Variants in C11orf58 observed in about 807,000 individuals in gnomAD.
C11orf58 encodes chromosome 11 open reading frame 58.
C11orf58 carries 5 observed loss-of-function variants against 22.7 expected under a neutral mutation model. The observed-to-expected ratio is 0.22, with a 90% confidence interval of 0.12 to 0.46. The LOEUF is 0.46. Ranked by LOEUF, C11orf58 falls within the 20% of genes least tolerant of loss-of-function variation. The pLI, the probability that C11orf58 is intolerant of heterozygous loss-of-function variation, is 0.99. For missense variants in C11orf58, 151 were observed against 223.3 expected (o/e 0.68, Z 2.06); for synonymous variants, 71 against 70.7 (o/e 1.00, Z -0.02).
chr11:16,756,605 C>A lies in C11orf58; in HGVS notation c.*1501C>A, dbSNP rs756333875. Among the ~76,000 whole-genome samples the A allele has an allele frequency of 9.3e-5, 14 of 150,554 alleles. No individual in the cohort carries two copies. The highest frequency in any genetic ancestry group is 1.6e-4 in the Non-Finnish European group (11 of 67,612). On this transcript the variant is annotated 3_prime_UTR_variant, in exon 5 of 5. Transcript: ENST00000228136. ...GAATTTTTAAAAATTATTCTTATGT[C>A]ACTTTGAAATGTAGAACGTGTTGCC...
chr11:16,751,144 A>T lies in C11orf58; in HGVS notation c.209-1641A>T, dbSNP rs570520341. The T allele has an allele frequency of 3.3e-5, 5 of 152,274 alleles. No homozygotes were observed. The South Asian group carries it at 1.0e-3, about 32-fold the overall frequency. The allele number at this position is 152,274 out of a possible 1,614,324, so 9.4% of individuals were successfully genotyped here. A position where few individuals can be genotyped will look rare whatever the true frequency, so the allele number is the denominator to read the frequency against. On this transcript the variant is annotated intron_variant, in intron 3 of 4. Coordinates refer to ENST00000228136, the MANE Select transcript of C11orf58 (RefSeq NM_014267.6). ...TTCAGTTACAATAGCTGCTCCAGAG[A>T]TTTCATTTTAGAAAAAGTCACCACT...
intron 4 of C11orf58, chr11:16,754,082 G>A (rs1055068020): frequency 1.0e-5 from 4 of 400,826 alleles, no homozygotes; most frequent in African/African-American, 6.2e-5. Flanking sequence ...GTTTAGGAGA[G>A]CTTTTTTATT....
intron 3 of C11orf58, 46 bp from the exon 4 acceptor site, chr11:16,752,739 A>C (rs766418993): frequency 7.3e-7 from 1 of 1,364,084 alleles, no homozygotes; most frequent in South Asian, 1.2e-5. Context: ...TTTTGTGTAA[A>C]TTATTAATTT....
chr11:16,742,013 T>A (rs1848452266), intron 1 of C11orf58, among the ~76,000 whole-genome samples: 1 of 152,256 alleles, frequency 6.6e-6, no homozygotes, highest in Non-Finnish European at 1.5e-5. Context: ...TCCACGAAAC[T>A]GGTCCCTGAT....
rs1848487032 is a variant in C11orf58 at position 16,746,329 on chromosome 11, T to TTC, written c.147+1649_147+1650dup. 2.0e-5 allele frequency among the ~76,000 whole-genome samples: 3 copies of TTC among 152,182 alleles called. No homozygotes were observed. The South Asian group carries it at 6.2e-4, about 31-fold the overall frequency. On this transcript the variant is annotated intron_variant, in intron 2 of 4. Transcript: ENST00000228136. The stretch of plus-strand genomic sequence containing the variant: ...TTTGTCATAGAAAATAGTCTGCAAT[T>TTC]TCTCTTGTTTCATGCAAATATATTA...
chr11:16,754,886 G>A lies in C11orf58; in HGVS notation c.334G>A (p.Gly112Arg). Reference protein sequence around the residue: ...LGFSEVEDHDGEGDVAGDDDD... With the variant: ...LGFSEVEDHDREGDVAGDDDD... ...GATGTTTTAGGTAGAAGACCATGATGGAGAAGGTGATGTGGCTGGAGATGA... is the reference window on the plus strand; with the variant it reads ...GATGTTTTAGGTAGAAGACCATGATAGAGAAGGTGATGTGGCTGGAGATGA... The change falls in exon 5 of 5, where the codon GGA (glycine) becomes AGA (arginine). Residue 112 changes from glycine to arginine, a missense_variant. Physicochemically the swap from Gly to Arg is moderately radical, Grantham distance 125. Coordinates refer to ENST00000228136, the MANE Select transcript of C11orf58 (RefSeq NM_014267.6). 6.2e-6 allele frequency: 10 copies of A among 1,613,994 alleles called. No homozygotes were observed. The highest frequency in any genetic ancestry group is 7.6e-6 in the Non-Finnish European group (9 of 1,179,968).
intron 2 of C11orf58, among the ~76,000 whole-genome samples, chr11:16,745,808 A>C (rs1368905013): frequency 6.6e-6 from 1 of 152,250 alleles, no homozygotes; most frequent in Non-Finnish European, 1.5e-5. Flanking sequence ...TTATTTTCCT[A>C]ACATTGTCCT....
At chr11:16,745,158 T>C (rs1444370771) in intron 2 of C11orf58, among the ~76,000 whole-genome samples, 1 of 152,208 alleles carries the variant, frequency 6.6e-6, no homozygotes, top group Non-Finnish European at 1.5e-5. Flanking sequence ...TTTCTATAGT[T>C]TGTTACTAGA....
intron 2 of C11orf58, chr11:16,747,248 CA>C (rs1378484641): frequency 6.6e-6 from 1 of 152,202 alleles, no homozygotes; most frequent in African/African-American, 2.4e-5. Flanking sequence ...TGAGCATTAA[CA>C]CTTGAAGTTT....
At chr11:16,753,023 T>A in intron 4 of C11orf58, 129 bp downstream of exon 4, 1 of 612,772 alleles carries the variant, frequency 1.6e-6, no homozygotes, top group Non-Finnish European at 2.8e-6. Flanking sequence ...ATCTTAAAAA[T>A]AATTTTGTAT....
intron 1 of C11orf58, among the ~76,000 whole-genome samples, chr11:16,740,583 A>G (rs1381026225): frequency 6.6e-6 from 1 of 151,806 alleles, no homozygotes; most frequent in African/African-American, 2.4e-5. Context: ...ATTACACCCG[A>G]CTAATTTTTT....
Position 16,755,121 on chromosome 11 carries a change from C to T in C11orf58, c.*17C>T. 6.2e-7 allele frequency: 1 copy of T among 1,611,616 alleles called. No individual in the cohort carries two copies. The highest frequency in any genetic ancestry group is 1.7e-5 in the Admixed American group (1 of 59,752). Reference sequence around the variant, plus strand: ...GGTTCATAACTCCCAAACGCTTAGTCTTTGTATTAAAAGTAAGCCTTATTG... The same window carrying T: ...GGTTCATAACTCCCAAACGCTTAGTTTTTGTATTAAAAGTAAGCCTTATTG... On this transcript the variant is annotated 3_prime_UTR_variant, in exon 5 of 5. Transcript: ENST00000228136.
chr11:16,738,652 A>G lies in C11orf58; in HGVS notation c.-127A>G. On this transcript the variant is annotated 5_prime_UTR_variant, in exon 1 of 5. Coordinates refer to ENST00000228136, the MANE Select transcript of C11orf58 (RefSeq NM_014267.6). Reference sequence around the variant, plus strand: ...GCAACGGTGACGACTGTGGCAGAGAAGGCCCGGAGGGGCTCTGCGTTCTGT... The same window carrying G: ...GCAACGGTGACGACTGTGGCAGAGAGGGCCCGGAGGGGCTCTGCGTTCTGT... 1 of 1,050,022 alleles carries G rather than the reference A, an allele frequency of 9.5e-7. No individual in the cohort carries two copies. Among genetic ancestry groups the G allele is most frequent in the South Asian group, 1.3e-5 (1 of 77,172 alleles). The allele number at this position is 1,050,022 out of a possible 1,614,324, so 65.0% of individuals were successfully genotyped here.
At chr11:16,748,826 A>G (rs1178140397) in intron 3 of C11orf58, among the ~76,000 whole-genome samples, 1 of 152,192 alleles carries the variant, frequency 6.6e-6, no homozygotes. Context: ...TGATTTTTAA[A>G]AGATGAGAGA....
intron 4 of C11orf58, among the ~76,000 whole-genome samples, chr11:16,753,216 T>A (rs1258560906): frequency 6.6e-6 from 1 of 152,062 alleles, no homozygotes; most frequent in Non-Finnish European, 1.5e-5. Context: ...TAGCTGGGAT[T>A]ACAGGCGCCT....
Position 16,744,671 on chromosome 11 carries a change from T to C in C11orf58, c.134T>C (p.Met45Thr), listed in dbSNP as rs1848474885. Residue 45 changes from methionine (M) to threonine (T), a missense_variant, in exon 2 of 5, where the codon ATG (methionine) becomes ACG (threonine). By Grantham distance (81) the Met-to-Thr change is moderately conservative. Transcript: ENST00000228136. ...EERKQKFLRLMGAGKKEHTGR... is the reference protein window; with the variant it reads ...EERKQKFLRLTGAGKKEHTGR... ...AGAAAACAAAAGTTCTTGAGACTTA[T>C]GGGTGCAGGAAAGGTAAGCATCAGA... The C allele has an allele frequency of 3.7e-6, 6 of 1,613,846 alleles. No individual in the cohort carries two copies. Among genetic ancestry groups the C allele is most frequent in the Non-Finnish European group, 4.2e-6 (5 of 1,179,894 alleles).
chr11:16,748,975 C>G (rs1311009864), intron 3 of C11orf58: 1 of 151,864 alleles, frequency 6.6e-6, no homozygotes, highest in Non-Finnish European at 1.5e-5. Flanking sequence ...AATTTTTGTT[C>G]TTTGTATATT....
chr11:16,742,124 GAC>G (rs1848453094), intron 1 of C11orf58, among the ~76,000 whole-genome samples: 1 of 152,200 alleles, frequency 6.6e-6, no homozygotes, highest in African/African-American at 2.4e-5. Flanking sequence ...AGTTGTAGAT[GAC>G]AGTTATTTAT....
chr11:16,755,652 G>C lies in C11orf58; in HGVS notation c.*548G>C, dbSNP rs1848571103. 1 of 152,658 alleles carries C rather than the reference G, an allele frequency of 6.6e-6. No homozygotes were observed. Among genetic ancestry groups the C allele is most frequent in the Non-Finnish European group, 1.5e-5 (1 of 68,120 alleles). The allele number at this position is 152,658 out of a possible 1,614,324, so 9.5% of individuals were successfully genotyped here. On this transcript the variant is annotated 3_prime_UTR_variant, in exon 5 of 5. Coordinates refer to ENST00000228136, the MANE Select transcript of C11orf58 (RefSeq NM_014267.6). Reference sequence around the variant, plus strand: ...ATGAGAGCAAGTACTTTTCACACTTGTTAAGATGGAGTTATAACTGTCATA... The same window carrying C: ...ATGAGAGCAAGTACTTTTCACACTTCTTAAGATGGAGTTATAACTGTCATA...
Sources: allele counts gnomAD v4.1 joint callset (sites outside exome capture counted in the v4.1 genomes callset), GRCh38; gene constraint gnomAD v4.1.1; transcripts MANE v1.5; gene names NCBI Gene and HGNC (gene_info 2026-07-23, HGNC 2026-07-21).